Variants in KPNA1 observed in about 807,000 individuals in gnomAD.
KPNA1 encodes importin subunit alpha-5.
Under a neutral mutation model 70.5 loss-of-function variants are expected in KPNA1, and 10 were observed. That is an observed-to-expected ratio of 0.14 (90% CI 0.09 to 0.24). The LOEUF (loss-of-function observed/expected upper bound fraction) is 0.24. Ranked by LOEUF, KPNA1 falls within the 10% of genes least tolerant of loss-of-function variation. KPNA1 has a pLI of 1.00. For synonymous variants in KPNA1, 192 were observed against 221.9 expected (o/e 0.87, Z 1.20); for missense variants, 397 against 637.9 (o/e 0.62, Z 4.07).
intron 2 of KPNA1, among the ~76,000 whole-genome samples, chr3:122,493,982 G>A (rs2076729192): frequency 6.6e-6 from 1 of 152,026 alleles, no homozygotes; most frequent in Non-Finnish European, 1.5e-5. Context: ...ATCTTTTCAT[G>A]TCCTGTGCCC....
At position 122,510,118 on chromosome 3, in the gene KPNA1, G is replaced by GA. The variant is rs556455659; in HGVS notation, c.-6+4638dup. Among the ~76,000 whole-genome samples the GA allele has an allele frequency of 1.5e-3, 229 of 152,234 alleles. 1 individual carries two copies. Among genetic ancestry groups the GA allele is most frequent in the African/African-American group, 5.3e-3 (220 of 41,542 alleles). On this transcript the variant is annotated intron_variant, in intron 1 of 13. Transcript: ENST00000344337. The stretch of plus-strand genomic sequence containing the variant: ...CTTTCAACTCAGAATTTTATACCCA[G>GA]ACAAATTACTGATCAAATGCGAAGG...
chr3:122,509,362 T>A (rs1026370589), intron 1 of KPNA1, among the ~76,000 whole-genome samples: 10 of 152,068 alleles, frequency 6.6e-5, no homozygotes, highest in Non-Finnish European at 1.5e-4. Flanking sequence ...GCCCAAGGAA[T>A]CACAATCTTG....
rs192240632 is a variant in KPNA1 at position 122,437,210 on chromosome 3, G to A, written c.1082C>T (p.Thr361Met). The A allele has an allele frequency of 2.2e-5, 35 of 1,613,812 alleles. No homozygotes were observed. Among genetic ancestry groups the A allele is most frequent in the East Asian group, 6.7e-5 (3 of 44,878 alleles). ...KESIKKEACW[T>M]ISNITAGNRA... ...ATTTCCAGCTGTAATATTAGATATC[G>A]TCCAACATGCTTCCTTTTTGATAGA... The change falls in exon 11 of 14, where the codon ACG becomes ATG. Residue 361 changes from threonine to methionine, a missense_variant. Coordinates refer to ENST00000344337, the MANE Select transcript of KPNA1 (RefSeq NM_002264.4).
intron 1 of KPNA1, among the ~76,000 whole-genome samples, chr3:122,508,976 T>C (rs2076922088): frequency 6.6e-6 from 1 of 152,158 alleles, no homozygotes; most frequent in African/African-American, 2.4e-5. Flanking sequence ...CTGGACGCGG[T>C]AGCTCACGCC....
intron 5 of KPNA1, among the ~76,000 whole-genome samples, chr3:122,455,496 A>G (rs1031170921): frequency 6.6e-6 from 1 of 152,030 alleles, no homozygotes; most frequent in Non-Finnish European, 1.5e-5. Flanking sequence ...TGAAAGCAAC[A>G]CTCAGTCCCT....
intron 1 of KPNA1, among the ~76,000 whole-genome samples, chr3:122,507,118 T>C (rs949438513): frequency 6.6e-6 from 1 of 152,218 alleles, no homozygotes; most frequent in East Asian, 1.9e-4. Context: ...CTATTCTCTA[T>C]ACTTTCGAAA....
chr3:122,438,337 C>A lies in KPNA1; in HGVS notation c.997-1042G>T, dbSNP rs115213090. ...CCTGTATGGCCTACAAAAACATGAGCCAATTAAACCTCTTTTCTTTATAAA... is the reference window on the plus strand; with the variant it reads ...CCTGTATGGCCTACAAAAACATGAGACAATTAAACCTCTTTTCTTTATAAA... On this transcript the variant is annotated intron_variant, in intron 10 of 13. Coordinates refer to ENST00000344337, the MANE Select transcript of KPNA1 (RefSeq NM_002264.4). 2.7e-3 allele frequency among the ~76,000 whole-genome samples: 414 copies of A among 152,180 alleles called. 4 individuals are homozygous for A. Among genetic ancestry groups the A allele is most frequent in the Middle Eastern group, 3.4e-3 (1 of 292 alleles).
chr3:122,507,607 A>T (rs1007498910), intron 1 of KPNA1, among the ~76,000 whole-genome samples: 1 of 152,156 alleles, frequency 6.6e-6, no homozygotes. Context: ...AAAGCTTATC[A>T]ACCTACCTAA....
chr3:122,452,492 G>T (rs1024419654), intron 6 of KPNA1, among the ~76,000 whole-genome samples: 1 of 142,050 alleles, frequency 7.0e-6, no homozygotes, highest in African/African-American at 2.6e-5. Context: ...CTGGGTGACA[G>T]GGACAGACGG....
chr3:122,448,170 C>T (rs1046152708), intron 9 of KPNA1, among the ~76,000 whole-genome samples: 7 of 152,116 alleles, frequency 4.6e-5, no homozygotes, highest in African/African-American at 1.2e-4. Context: ...ATTAGTTCAA[C>T]CATTGTGGAA....
At chr3:122,432,019 G>A (rs2075917233) in intron 12 of KPNA1, among the ~76,000 whole-genome samples, 1 of 152,108 alleles carries the variant, frequency 6.6e-6, no homozygotes, top group South Asian at 2.1e-4. Flanking sequence ...GGCCAGGCTG[G>A]TCTCGAACTC....
chr3:122,493,413 A>T (rs1369534668), intron 2 of KPNA1, among the ~76,000 whole-genome samples: 2 of 151,954 alleles, frequency 1.3e-5, no homozygotes, highest in Non-Finnish European at 2.9e-5. Flanking sequence ...GGAAAAACAG[A>T]TTGAGAAACA....
intron 2 of KPNA1, among the ~76,000 whole-genome samples, chr3:122,493,354 G>GA (rs77958342): frequency 0.15 from 19,667 of 133,898 alleles, 1,356 homozygotes; most frequent in Middle Eastern, 0.28. Flanking sequence ...AAAGGGACAA[G>GA]AAAAAAAAAA....
At position 122,427,620 on chromosome 3, in the gene KPNA1, A is replaced by G. The variant is rs1304617299; in HGVS notation, c.1347T>C (p.Asn449=). 3.7e-6 allele frequency: 6 copies of G among 1,614,004 alleles called. No individual in the cohort carries two copies. The highest frequency in any genetic ancestry group is 5.1e-6 in the Non-Finnish European group (6 of 1,180,008). The change falls in exon 13 of 14, where the codon AAT becomes AAC. Residue 449 remains asparagine (N), a synonymous_variant. Coordinates refer to ENST00000344337, the MANE Select transcript of KPNA1 (RefSeq NM_002264.4). ...IVQVALNGLE[N]ILRLGEQEAK... Reference sequence around the variant, plus strand: ...CTTCCTGTTCTCCAAGCCTCAGGATATTTTCCAAGCCATTTAGGGCAACCT... The same window carrying G: ...CTTCCTGTTCTCCAAGCCTCAGGATGTTTTCCAAGCCATTTAGGGCAACCT...
intron 2 of KPNA1, among the ~76,000 whole-genome samples, chr3:122,490,333 T>C (rs986302109): frequency 6.6e-6 from 1 of 152,350 alleles, no homozygotes; most frequent in Non-Finnish European, 1.5e-5. Flanking sequence ...ATCACAGGAT[T>C]TATCTCATTT....
At chr3:122,466,691 T>TA (rs1237536376) in intron 3 of KPNA1, among the ~76,000 whole-genome samples, 10 of 152,240 alleles carry the variant, frequency 6.6e-5, no homozygotes, top group South Asian at 6.2e-4. Context: ...TGTAAATCAA[T>TA]AAAAAATCAT....
chr3:122,454,130 G>A (rs2076241500), intron 5 of KPNA1, 129 bp from the exon 6 acceptor site: 1 of 544,172 alleles, frequency 1.8e-6, no homozygotes, highest in African/African-American at 1.9e-5. Context: ...TATCAGTTGA[G>A]TACTATATTA....
At chr3:122,467,709 A>G (rs768686285) in intron 2 of KPNA1, among the ~76,000 whole-genome samples, 11 of 152,110 alleles carry the variant, frequency 7.2e-5, no homozygotes, top group Non-Finnish European at 1.0e-4. Context: ...AAAAGGTTGG[A>G]AAAAGGAGCT....
In KPNA1 at chr3:122,434,533, C is replaced by A. The variant is rs960555039; in HGVS notation, c.1123-745G>T. Among the ~76,000 whole-genome samples the A allele has an allele frequency of 3.3e-5, 5 of 152,154 alleles. No homozygotes were observed. In the South Asian group the frequency reaches 6.2e-4, roughly 19 times the overall value. ...TAGTCATCTCAAACACATCATCTGC[C>A]CGCTATATCAAGTTTCCTTTTAAAC... On this transcript the variant is annotated intron_variant, in intron 11 of 13. Transcript: ENST00000344337.
Sources: allele counts gnomAD v4.1 joint callset (sites outside exome capture counted in the v4.1 genomes callset), GRCh38; gene constraint gnomAD v4.1.1; transcripts MANE v1.5; gene names NCBI Gene and HGNC (gene_info 2026-07-23, HGNC 2026-07-21).